The following ODAD2 variants were observed in gnomAD, a reference collection of about 807,000 sequenced individuals.
ODAD2 encodes the protein outer dynein arm-docking complex subunit 2.
In ODAD2, 89 loss-of-function variants were observed where a neutral mutation model predicts 106.8. That is an observed-to-expected ratio of 0.83 (90% CI 0.70 to 0.99). The LOEUF is 0.99. Among genes scored for constraint, ODAD2 ranks in the 50% least tolerant of loss-of-function variants. The pLI is 0.00. For synonymous variants in ODAD2, 404 were observed against 436.2 expected (o/e 0.93, Z 0.92); for missense variants, 1,168 against 1,238.5 (o/e 0.94, Z 0.85).
intron 16 of ODAD2, among the ~76,000 whole-genome samples, chr10:27,913,307 G>A (rs1171235878): frequency 1.3e-5 from 2 of 151,896 alleles, no homozygotes; most frequent in Non-Finnish European, 2.9e-5. Context: ...AGTAGGCCCT[G>A]GAGTCTATTG....
chr10:27,914,302 C>T (rs999241086), intron 16 of ODAD2, among the ~76,000 whole-genome samples: 2 of 152,042 alleles, frequency 1.3e-5, no homozygotes, highest in African/African-American at 4.8e-5. Context: ...CCAGACCTTT[C>T]CATTTTAAAG....
chr10:27,979,210 A>G, intron 7 of ODAD2, among the ~76,000 whole-genome samples: 1 of 140,264 alleles, frequency 7.1e-6, no homozygotes, highest in East Asian at 2.2e-4. Context: ...TGACAGAGTG[A>G]GATGGAGTGA....
chr10:27,913,279 T>G (rs1434262588), intron 16 of ODAD2, among the ~76,000 whole-genome samples: 1 of 152,072 alleles, frequency 6.6e-6, no homozygotes, highest in Non-Finnish European at 1.5e-5. Context: ...CTCACCCTCC[T>G]CCCACCCTCC....
At chr10:27,883,407 C>T (rs553865098) in intron 17 of ODAD2, among the ~76,000 whole-genome samples, 1 of 152,064 alleles carries the variant, frequency 6.6e-6, no homozygotes, top group East Asian at 1.9e-4. Flanking sequence ...GCAACAAATA[C>T]AGGCCACGGG....
intron 16 of ODAD2, among the ~76,000 whole-genome samples, chr10:27,931,428 A>G (rs1039883737): frequency 3.3e-5 from 5 of 152,028 alleles, no homozygotes; most frequent in Non-Finnish European, 7.4e-5. Context: ...TTACTAATAA[A>G]TGTTTACTGC....
intron 10 of ODAD2, 50 bp downstream of exon 10, chr10:27,961,518 A>G: frequency 6.6e-7 from 1 of 1,510,468 alleles, no homozygotes; most frequent in South Asian, 1.2e-5. Context: ...CATCTTTGGG[A>G]AAGTATTTTA....
rs777666039 is a variant in ODAD2 at position 27,907,826 on chromosome 10, G to A, written c.2496-49C>T. 4.1e-6 allele frequency: 5 copies of A among 1,219,824 alleles called. No homozygotes were observed. In the South Asian group the frequency reaches 5.0e-5, roughly 12 times the overall value. The allele number at this position is 1,219,824 out of a possible 1,614,324, so 75.6% of individuals were successfully genotyped here. A position where few individuals can be genotyped will look rare whatever the true frequency, so the allele number is the denominator to read the frequency against. ...ATATAAACTGTCATTAGTATGTGAA[G>A]ACAAACATTTTAATGACCCACTTAT... is the stretch of plus-strand genomic sequence containing the variant. On this transcript the variant is annotated intron_variant, in intron 16 of 19. Coordinates refer to ENST00000305242, the MANE Select transcript of ODAD2 (RefSeq NM_018076.5).
chr10:27,855,415 C>T (rs1839588359), intron 19 of ODAD2, among the ~76,000 whole-genome samples: 1 of 152,056 alleles, frequency 6.6e-6, no homozygotes, highest in African/African-American at 2.4e-5. Flanking sequence ...CCAATTGGTT[C>T]TATTAAATTA....
At position 27,823,551 on chromosome 10, in the gene ODAD2, A is replaced by G. The variant is rs557115377; in HGVS notation, c.3022-10926T>C. On this transcript the variant is annotated intron_variant, in intron 19 of 19. Coordinates refer to ENST00000305242, the MANE Select transcript of ODAD2 (RefSeq NM_018076.5). ...TTTAATAGTACTTTCCTAATAAGAT[A>G]GATATGGGATTAAATGGGAAACGTA... Among the ~76,000 whole-genome samples, 13 of 152,316 alleles carry G rather than the reference A, an allele frequency of 8.5e-5. No individual in the cohort carries two copies. In the South Asian group the frequency reaches 2.5e-3, roughly 29 times the overall value.
At chr10:27,844,158 G>C (rs1838530216) in intron 19 of ODAD2, among the ~76,000 whole-genome samples, 1 of 152,134 alleles carries the variant, frequency 6.6e-6, no homozygotes, top group Non-Finnish European at 1.5e-5. Context: ...TCGTGCCACT[G>C]TACTCCAACT....
At chr10:27,852,221 C>T (rs923758752) in intron 19 of ODAD2, among the ~76,000 whole-genome samples, 2 of 152,114 alleles carry the variant, frequency 1.3e-5, no homozygotes, top group African/African-American at 4.8e-5. Context: ...AGAAAATCTG[C>T]ATTTACAGAA....
At chr10:27,875,032 T>A (rs943464600) in intron 17 of ODAD2, among the ~76,000 whole-genome samples, 10 of 152,352 alleles carry the variant, frequency 6.6e-5, no homozygotes, top group Non-Finnish European at 1.5e-4. Flanking sequence ...AGTCCCATAT[T>A]TCTTGGAGGC....
At chr10:27,856,323 T>G (rs151115819) in intron 19 of ODAD2, among the ~76,000 whole-genome samples, 62 of 152,252 alleles carry the variant, frequency 4.1e-4, no homozygotes, top group African/African-American at 1.3e-3. Context: ...CACAAGCTGA[T>G]TTTTCAACAT....
chr10:27,853,365 TATAAATAA>T (rs143299831), intron 19 of ODAD2: 8 of 260,736 alleles, frequency 3.1e-5, no homozygotes, highest in East Asian at 1.3e-4. Flanking sequence ...AGACTCTGTC[TATAAATAA>T]ATAAATAAAT....
chr10:27,911,950 A>T (rs1285671401), intron 16 of ODAD2, among the ~76,000 whole-genome samples: 1 of 152,204 alleles, frequency 6.6e-6, no homozygotes, highest in African/African-American at 2.4e-5. Flanking sequence ...ATTGCATCAA[A>T]AATCTCTCCC....
chr10:27,991,143 G>A lies in ODAD2; in HGVS notation c.225-3600C>T, dbSNP rs191376356. Among the ~76,000 whole-genome samples the A allele has an allele frequency of 9.1e-4, 138 of 152,264 alleles. 1 individual carries two copies. The highest frequency in any genetic ancestry group is 3.3e-3 in the African/African-American group (137 of 41,548). ...GCAAATTTAAGTTTCATTCTGAGGT[G>A]TTTTAGGAAGACTATTAATTTCATC... On this transcript the variant is annotated intron_variant, in intron 2 of 19. Transcript: ENST00000305242.
intron 17 of ODAD2, chr10:27,905,082 A>G (rs1025816220): frequency 1.3e-4 from 27 of 205,192 alleles, no homozygotes; most frequent in African/African-American, 5.8e-4. Flanking sequence ...CTGCAGATCT[A>G]AGACGATGCT....
intron 19 of ODAD2, among the ~76,000 whole-genome samples, chr10:27,839,244 C>A (rs905778211): frequency 3.9e-5 from 6 of 152,256 alleles, no homozygotes; most frequent in African/African-American, 1.4e-4. Context: ...CTATAGTAAA[C>A]TTCTGAAGAT....
rs200273841 is a variant in ODAD2, at chr10:27,887,673, GA to G, written c.2610+19989del. On this transcript the variant is annotated intron_variant, in intron 17 of 19. Coordinates refer to ENST00000305242, the MANE Select transcript of ODAD2 (RefSeq NM_018076.5). ...TAAAAATAGAAATTTGCAGCAGAAG[GA>G]AAAGTGGAAAATTCACAAATATGTG... Among the ~76,000 whole-genome samples, 4 of 151,888 alleles carry G rather than the reference GA, an allele frequency of 2.6e-5. No homozygotes were observed. The East Asian group carries it at 7.7e-4, about 29-fold the overall frequency.
Sources: gnomAD v4.1 joint callset for allele counts (sites outside exome capture counted in the v4.1 genomes callset) on GRCh38, gnomAD v4.1.1 for gene constraint, MANE v1.5 for transcripts, NCBI Gene and HGNC (gene_info 2026-07-23, HGNC 2026-07-21) for gene names.